The following DNAH14 variants were observed in gnomAD, a reference collection of about 807,000 sequenced individuals.
The protein encoded by DNAH14 is axonemal beta dynein heavy chain 14.
In DNAH14, 478 loss-of-function variants were observed where a neutral mutation model predicts 520.9. The ratio of observed to expected loss-of-function variants is 0.92; its 90% CI spans 0.85 to 0.99. DNAH14 has a LOEUF of 0.99. Among genes scored for constraint, DNAH14 ranks in the 50% least tolerant of loss-of-function variants. DNAH14 has a pLI of 0.00. For missense variants in DNAH14, 4,831 were observed against 5,234.5 expected, an observed-to-expected ratio of 0.92 and a Z score of 2.38; for synonymous variants, 1,581 against 1,757.2, an observed-to-expected ratio of 0.90 and a Z score of 2.51.
In DNAH14 at chr1:225,272,969, G is replaced by C. The variant is rs2093353710; in HGVS notation, c.7854G>C (p.Leu2618Phe). 5 of 1,536,906 alleles carry C rather than the reference G, an allele frequency of 3.3e-6. No individual in the cohort carries two copies. Among genetic ancestry groups the C allele is most frequent in the Non-Finnish European group, 4.4e-6 (5 of 1,143,068 alleles). The change falls in exon 52 of 86, where the codon TTG (leucine) becomes TTC (phenylalanine). Residue 2618 changes from leucine (L) to phenylalanine (F), a missense_variant. By Grantham distance (22) the Leu-to-Phe change is conservative. Coordinates refer to ENST00000682510, the MANE Select transcript of DNAH14 (RefSeq NM_001367479.1). ...LRDMFKLLLG[L>F]LQADRTVVNS... ...ATCCCTAACAGCTTCTCCTAGGATTGCTGCAAGCTGACAGGACTGTTGTTA... is the reference window on the plus strand; with the variant it reads ...ATCCCTAACAGCTTCTCCTAGGATTCCTGCAAGCTGACAGGACTGTTGTTA...
intron 65 of DNAH14, among the ~76,000 whole-genome samples, chr1:225,332,451 C>T (rs1027982404): frequency 1.1e-4 from 17 of 152,002 alleles, no homozygotes; most frequent in African/African-American, 3.9e-4. Context: ...CAAGCACATA[C>T]GTGATCAAAG....
chr1:225,366,407 T>C (rs1033766031), intron 76 of DNAH14, among the ~76,000 whole-genome samples: 1 of 150,560 alleles, frequency 6.6e-6, no homozygotes, highest in African/African-American at 2.4e-5. Context: ...CACTCTCTCT[T>C]CTCTCTCTCT....
At chr1:225,315,368 C>T (rs903374532) in intron 60 of DNAH14, among the ~76,000 whole-genome samples, 4 of 151,866 alleles carry the variant, frequency 2.6e-5, no homozygotes, top group Non-Finnish European at 4.4e-5. Flanking sequence ...TTAGCTTCCT[C>T]GCATTGGGTT....
intron 72 of DNAH14, among the ~76,000 whole-genome samples, chr1:225,352,797 TA>T (rs1369963685): frequency 6.6e-6 from 1 of 152,116 alleles, no homozygotes; most frequent in Non-Finnish European, 1.5e-5. Context: ...AATGTTTGTA[TA>T]GTCAATTATG....
At position 225,323,704 on chromosome 1, in the gene DNAH14, G is replaced by GC. The variant is rs371393054; in HGVS notation, c.9496-512dup. ...TCTTGAACTCCTGACCTTGTGATCT[G>GC]CCCCCCTGGGCGTCCCAAAGTGCTG... On this transcript the variant is annotated intron_variant, in intron 62 of 85. Transcript: ENST00000682510. Among the ~76,000 whole-genome samples the GC allele has an allele frequency of 1.8e-3, 274 of 152,088 alleles. 1 individual carries two copies. The highest frequency in any genetic ancestry group is 5.8e-3 in the African/African-American group (240 of 41,500).
At chr1:225,076,419 C>A (rs549839601) in intron 17 of DNAH14, among the ~76,000 whole-genome samples, 2 of 152,292 alleles carry the variant, frequency 1.3e-5, no homozygotes, top group Non-Finnish European at 2.9e-5. Context: ...TTCTATGCTA[C>A]ATGCAGATAT....
At chr1:224,935,810 G>A (rs1272488448) in intron 1 of DNAH14, among the ~76,000 whole-genome samples, 1 of 151,592 alleles carries the variant, frequency 6.6e-6, no homozygotes, top group Non-Finnish European at 1.5e-5. Flanking sequence ...CTAGATATTA[G>A]GCCACAAAAC....
intron 64 of DNAH14, among the ~76,000 whole-genome samples, chr1:225,326,740 G>C (rs1048780984): frequency 6.6e-6 from 1 of 152,016 alleles, no homozygotes; most frequent in Non-Finnish European, 1.5e-5. Context: ...TAATGAAAGT[G>C]TTTGTTCCTT....
chr1:225,148,016 T>C (rs543972733), intron 31 of DNAH14, among the ~76,000 whole-genome samples: 18 of 152,340 alleles, frequency 1.2e-4, no homozygotes, highest in African/African-American at 4.3e-4. Context: ...TACCACATTT[T>C]CTTTATCCAG....
chr1:225,191,196 C>T (rs1396697531), intron 37 of DNAH14, among the ~76,000 whole-genome samples: 1 of 151,636 alleles, frequency 6.6e-6, no homozygotes, highest in Non-Finnish European at 1.5e-5. Context: ...TTGTTTTTTT[C>T]ATTTGAGCCT....
At chr1:224,944,131 A>T (rs1315101764) in intron 1 of DNAH14, among the ~76,000 whole-genome samples, 1 of 152,070 alleles carries the variant, frequency 6.6e-6, no homozygotes, top group African/African-American at 2.4e-5. Context: ...TGGGAGTCTA[A>T]GTCTCTTTGT....
At chr1:225,043,706 A>G (rs1020179134) in intron 13 of DNAH14, 38 bp from the exon 14 acceptor site, 1 of 1,365,610 alleles carries the variant, frequency 7.3e-7, no homozygotes, top group Non-Finnish European at 1.0e-6. Flanking sequence ...ATATCAATCA[A>G]TTTTGTATTT....
chr1:225,343,015 A>G (rs1326608742), intron 69 of DNAH14, among the ~76,000 whole-genome samples: 2 of 152,210 alleles, frequency 1.3e-5, no homozygotes, highest in Non-Finnish European at 2.9e-5. Flanking sequence ...GTCTTGTATC[A>G]GTGCAATGTC....
chr1:225,088,662 A>G (rs1376642810), intron 21 of DNAH14, among the ~76,000 whole-genome samples: 1 of 152,224 alleles, frequency 6.6e-6, no homozygotes, highest in African/African-American at 2.4e-5. Flanking sequence ...ATAAAGACAT[A>G]GATTTACACT....
chr1:225,252,462 G>A, intron 44 of DNAH14, 45 bp downstream of exon 44: 3 of 1,056,444 alleles, frequency 2.8e-6, no homozygotes, highest in South Asian at 1.5e-5. Context: ...TAGAATATTG[G>A]GTATACTCTA....
chr1:224,949,935 A>C (rs915645829), intron 1 of DNAH14, among the ~76,000 whole-genome samples: 8 of 151,986 alleles, frequency 5.3e-5, no homozygotes, highest in African/African-American at 1.7e-4. Context: ...TGTTCTTCTT[A>C]TGGATAATTT....
chr1:225,027,147 T>G (rs1409602161), intron 11 of DNAH14, among the ~76,000 whole-genome samples: 1 of 152,098 alleles, frequency 6.6e-6, no homozygotes, highest in African/African-American at 2.4e-5. Flanking sequence ...CCCTGATAGG[T>G]TTTTACAACT....
rs967024788 is a variant in DNAH14, at chr1:225,347,470, C to G, written c.11296+816C>G. On this transcript the variant is annotated intron_variant, in intron 71 of 85. Transcript: ENST00000682510. The stretch of plus-strand genomic sequence containing the variant: ...TCCCCCCATTACAGAGTTCCTCCCT[C>G]GGATAGAAACAAAAGAGTAGACAGT... Among the ~76,000 whole-genome samples, 5 of 152,238 alleles carry G rather than the reference C, an allele frequency of 3.3e-5. No homozygotes were observed. The South Asian group carries it at 1.0e-3, about 32-fold the overall frequency.
At chr1:225,043,816 C>T (rs137952679) in intron 14 of DNAH14, 27 bp downstream of exon 14, 53 of 1,457,396 alleles carry the variant, frequency 3.6e-5, no homozygotes, top group African/African-American at 2.1e-4. Flanking sequence ...TTAAAAATTA[C>T]GAGTAATTGT....
Sources: allele counts gnomAD v4.1 joint callset (sites outside exome capture counted in the v4.1 genomes callset), GRCh38; gene constraint gnomAD v4.1.1; transcripts MANE v1.5; gene names NCBI Gene and HGNC (gene_info 2026-07-23, HGNC 2026-07-21).